LRRFIP2: variants seen among roughly 807,000 people sequenced by gnomAD.
LRRFIP2 encodes the protein leucine-rich repeat flightless-interacting protein 2.
Under a neutral mutation model 125.9 loss-of-function variants are expected in LRRFIP2, and 109 were observed. The ratio of observed to expected loss-of-function variants is 0.87; its 90% confidence interval spans 0.74 to 1.01. The LOEUF is 1.01. Ranked by LOEUF, LRRFIP2 falls within the 50% of genes least tolerant of loss-of-function variation. The probability of loss-of-function intolerance (pLI) is 0.00; values close to 1 mark genes in which losing one functional copy is unlikely to be tolerated. For synonymous variants in LRRFIP2, 291 were observed against 293.1 expected, an observed-to-expected ratio of 0.99 and a Z score of 0.07; for missense variants, 850 against 862.3, an observed-to-expected ratio of 0.99 and a Z score of 0.18.
chr3:37,133,542 CAGAA>C (rs1298279967), intron 2 of LRRFIP2, among the ~76,000 whole-genome samples: 1 of 152,144 alleles, frequency 6.6e-6, no homozygotes, highest in Non-Finnish European at 1.5e-5. Context: ...ATAAGCCAGA[CAGAA>C]AGGAGTAATA....
intron 17 of LRRFIP2, chr3:37,093,152 G>A (rs1361606614): frequency 1.3e-5 from 2 of 153,122 alleles, no homozygotes; most frequent in Non-Finnish European, 2.9e-5. Context: ...GTCAAGTGAA[G>A]CAATGAAGGT....
intron 1 of LRRFIP2, among the ~76,000 whole-genome samples, chr3:37,156,673 C>CAAAAAAAAAAAA (rs59647339): frequency 3.3e-5 from 1 of 30,566 alleles, no homozygotes; most frequent in African/African-American, 1.8e-4. Context: ...GACTCAGTAT[C>CAAAAAAAAAAAA]AAAAAAAAAA....
At chr3:37,127,247 A>AG (rs2095307058) in intron 4 of LRRFIP2, among the ~76,000 whole-genome samples, 1 of 152,222 alleles carries the variant, frequency 6.6e-6, no homozygotes, top group African/African-American at 2.4e-5. Flanking sequence ...TGATATAATA[A>AG]GAGTAATTTT....
intron 7 of LRRFIP2, among the ~76,000 whole-genome samples, chr3:37,114,305 A>T (rs1048838714): frequency 1.3e-5 from 2 of 152,112 alleles, no homozygotes; most frequent in Admixed American, 6.6e-5. Context: ...GACATAACTG[A>T]TGTCTTAGGT....
intron 1 of LRRFIP2, among the ~76,000 whole-genome samples, chr3:37,161,848 A>G (rs909317666): frequency 1.3e-5 from 2 of 152,026 alleles, no homozygotes; most frequent in African/African-American, 4.8e-5. Flanking sequence ...ATATAAGGTT[A>G]AAGTATCAGT....
intron 2 of LRRFIP2, among the ~76,000 whole-genome samples, chr3:37,140,786 T>C (rs2095676379): frequency 6.6e-6 from 1 of 152,128 alleles, no homozygotes; most frequent in Non-Finnish European, 1.5e-5. Context: ...ACCCAAAATA[T>C]GAAACAAAGA....
chr3:37,058,183 T>C (rs982765052), intron 25 of LRRFIP2, among the ~76,000 whole-genome samples: 1 of 152,158 alleles, frequency 6.6e-6, no homozygotes, highest in Admixed American at 6.6e-5. Flanking sequence ...CAGTGCCAGG[T>C]TGTCAAAAGG....
intron 2 of LRRFIP2, among the ~76,000 whole-genome samples, chr3:37,130,584 C>T (rs956902349): frequency 1.3e-5 from 2 of 152,136 alleles, no homozygotes; most frequent in Non-Finnish European, 2.9e-5. Flanking sequence ...GTGGAAAATT[C>T]CAGAAATAAA....
chr3:37,152,195 T>A (rs2096053158), intron 1 of LRRFIP2, among the ~76,000 whole-genome samples: 1 of 152,340 alleles, frequency 6.6e-6, no homozygotes, highest in Admixed American at 6.5e-5. Context: ...GCCATTACTG[T>A]AAGTGAAGTA....
chr3:37,160,468 C>T (rs569069685), intron 1 of LRRFIP2, among the ~76,000 whole-genome samples: 12 of 152,034 alleles, frequency 7.9e-5, no homozygotes, highest in Admixed American at 1.3e-4. Flanking sequence ...GAAACAAGAA[C>T]AAGGGGCTAT....
At position 37,094,846 on chromosome 3, in the gene LRRFIP2, T is replaced by G; in HGVS notation, c.981A>C (p.Gly327=). Residue 327 remains glycine, a synonymous_variant, in exon 17 of 28, where the codon GGA becomes GGC. Coordinates refer to ENST00000336686, the MANE Select transcript of LRRFIP2 (RefSeq NM_006309.4). ...CTATTAAGCTGCTGGTGTCCCCACT[T>G]CCTCGTCTGGATGAGTTTCCACTTA... The part of the protein sequence containing the change: ...TPLSGNSSRR[G]SGDTSSLIDP... The G allele has an allele frequency of 6.2e-7, 1 of 1,614,008 alleles. No individual in the cohort carries two copies. Among genetic ancestry groups the G allele is most frequent in the South Asian group, 1.1e-5 (1 of 91,078 alleles).
intron 1 of LRRFIP2, among the ~76,000 whole-genome samples, chr3:37,163,133 T>C (rs2096390203): frequency 6.6e-6 from 1 of 152,216 alleles, no homozygotes; most frequent in Admixed American, 6.5e-5. Context: ...ACTTTCCCAA[T>C]GACTTATCCA....
intron 1 of LRRFIP2, among the ~76,000 whole-genome samples, chr3:37,166,039 C>T (rs954387730): frequency 6.6e-6 from 1 of 152,082 alleles, no homozygotes; most frequent in Non-Finnish European, 1.5e-5. Flanking sequence ...TGGATTTCAT[C>T]AAAATTAAAA....
chr3:37,091,488 C>T lies in LRRFIP2; in HGVS notation c.1086G>A (p.Met362Ile), dbSNP rs1167934434. The T allele has an allele frequency of 6.2e-7, 1 of 1,612,228 alleles. No individual in the cohort carries two copies. The change falls in exon 18 of 28, where the codon ATG (methionine) becomes ATA (isoleucine). Residue 362 changes from methionine (M) to isoleucine (I), a missense_variant. By Grantham distance (10) the Met-to-Ile change is conservative (BLOSUM62 1). Transcript: ENST00000336686. ...DQIQDVEGRYMQGLKELKESL... is the reference protein window; with the variant it reads ...DQIQDVEGRYIQGLKELKESL... ...ATACCTTTAGTTCTTTAAGCCCCTGCATGTATCTCCCTTCTACATCCTGTA... is the reference window on the plus strand; with the variant it reads ...ATACCTTTAGTTCTTTAAGCCCCTGTATGTATCTCCCTTCTACATCCTGTA...
chr3:37,076,194 A>G (rs1022570941), intron 19 of LRRFIP2, among the ~76,000 whole-genome samples: 2 of 152,152 alleles, frequency 1.3e-5, no homozygotes, highest in Non-Finnish European at 2.9e-5. Context: ...TCCACAAGCA[A>G]TGAGGTAATG....
At chr3:37,078,053 A>C (rs768490784) in intron 19 of LRRFIP2, among the ~76,000 whole-genome samples, 1 of 152,192 alleles carries the variant, frequency 6.6e-6, no homozygotes, top group African/African-American at 2.4e-5. Context: ...TAGTTTTGAA[A>C]GATAAAAAAT....
At position 37,065,639 on chromosome 3, in the gene LRRFIP2, A is replaced by C. The variant is rs9311151; in HGVS notation, c.1699+171T>G. The C allele has an allele frequency of 0.017, 13,425 of 807,636 alleles. 617 individuals carry two copies. The highest frequency in any genetic ancestry group is 0.13 in the African/African-American group (7,955 of 59,272). 50.0% of individuals were successfully genotyped at this position (807,636 alleles called of 1,614,324 possible). On this transcript the variant is annotated intron_variant, in intron 23 of 27. Coordinates refer to ENST00000336686, the MANE Select transcript of LRRFIP2 (RefSeq NM_006309.4). ...CAGTGACCCAGATGCTGATTTCCCA[A>C]GGTCAAGGATGTCTGAAGACAATGT...
chr3:37,121,877 TG>T (rs1559942555), intron 4 of LRRFIP2, among the ~76,000 whole-genome samples, 186 bp from the exon 5 acceptor site: 2 of 134,488 alleles, frequency 1.5e-5, no homozygotes, highest in Non-Finnish European at 3.4e-5. Context: ...TGTGTGTGTG[TG>T]TGTGTGTGTA....
chr3:37,156,673 CAAAAAAAAAAAAAAAAAA>C (rs59647339), intron 1 of LRRFIP2, among the ~76,000 whole-genome samples: 8 of 30,584 alleles, frequency 2.6e-4, no homozygotes, highest in African/African-American at 1.3e-3. Context: ...GACTCAGTAT[CAAAAAAAAAAAAAAAAAA>C]AAAAAAAAAA....
Sources: allele counts gnomAD v4.1 joint callset (sites outside exome capture counted in the v4.1 genomes callset), GRCh38; gene constraint gnomAD v4.1.1; transcripts MANE v1.5; gene names NCBI Gene and HGNC (gene_info 2026-07-23, HGNC 2026-07-21).